The following EPHA4 variants were observed in gnomAD, a reference collection of about 807,000 sequenced individuals.
EPHA4 encodes EPH receptor A4, also known as ephrin type-A receptor 4.
EPHA4 carries 19 observed loss-of-function variants against 108.3 expected under a neutral mutation model. That is an observed-to-expected ratio of 0.18 (90% CI 0.12 to 0.26). The LOEUF (loss-of-function observed/expected upper bound fraction) is 0.26, where lower values mean the gene tolerates loss of function less well. Ranked by LOEUF, EPHA4 falls within the 10% of genes least tolerant of loss-of-function variation. EPHA4 has a pLI of 1.00. For missense variants in EPHA4, 917 were observed against 1,254.0 expected (o/e 0.73, Z 4.06); for synonymous variants, 449 against 455.5 (o/e 0.99, Z 0.18).
At chr2:221,532,035 G>A (rs1484247795) in intron 3 of EPHA4, among the ~76,000 whole-genome samples, 1 of 152,138 alleles carries the variant, frequency 6.6e-6, no homozygotes, top group African/African-American at 2.4e-5. Flanking sequence ...TTTCAAAGGA[G>A]AGCTCACTGA....
At chr2:221,560,732 T>C (rs1694437345) in intron 3 of EPHA4, among the ~76,000 whole-genome samples, 1 of 152,182 alleles carries the variant, frequency 6.6e-6, no homozygotes, top group Admixed American at 6.5e-5. Context: ...ATAACTATTA[T>C]CATCCCATTT....
At chr2:221,536,668 GA>G (rs1351464765) in intron 3 of EPHA4, among the ~76,000 whole-genome samples, 1 of 152,194 alleles carries the variant, frequency 6.6e-6, no homozygotes, top group East Asian at 1.9e-4. Flanking sequence ...ACCCAGTTTA[GA>G]ATGATTGAAA....
At chr2:221,556,609 T>C (rs747281975) in intron 3 of EPHA4, among the ~76,000 whole-genome samples, 102 of 152,008 alleles carry the variant, frequency 6.7e-4, no homozygotes, top group Non-Finnish European at 1.1e-3. Context: ...TCACTACTTT[T>C]TTTTTTCATA....
intron 3 of EPHA4, among the ~76,000 whole-genome samples, chr2:221,559,741 T>C (rs756660096): frequency 3.3e-5 from 5 of 152,164 alleles, no homozygotes; most frequent in Non-Finnish European, 7.3e-5. Flanking sequence ...CAGTCTGATG[T>C]GGCCTGGAAG....
At chr2:221,489,915 G>C (rs972872010) in intron 4 of EPHA4, among the ~76,000 whole-genome samples, 1 of 152,156 alleles carries the variant, frequency 6.6e-6, no homozygotes, top group Non-Finnish European at 1.5e-5. Context: ...GGCCATGGTA[G>C]GTGGAAGGCT....
At chr2:221,535,818 A>G (rs989759811) in intron 3 of EPHA4, among the ~76,000 whole-genome samples, 2 of 152,170 alleles carry the variant, frequency 1.3e-5, no homozygotes, top group Non-Finnish European at 2.9e-5. Context: ...TCCAGTAGGG[A>G]AAGAATCTTA....
rs189700054 is a variant in EPHA4 at position 221,539,646 on chromosome 2, C to T, written c.823+24085G>A. ...ATACAGCGTAAACTCCTCTCACCGA[C>T]GTTAGAGCTTTGACACAGGGCCCCA... On this transcript the variant is annotated intron_variant, in intron 3 of 17. Transcript: ENST00000281821. 9.9e-5 allele frequency among the ~76,000 whole-genome samples: 15 copies of T among 152,214 alleles called. No homozygotes were observed. In the East Asian group the frequency reaches 2.1e-3, roughly 22 times the overall value.
rs1694677881 is a variant in EPHA4, at chr2:221,566,951, A to AAGGG, written c.159+1766_159+1767insCCCT. ...GAGAAGGAGAAGGAGAAGGAGAAGG[A>AAGGG]GAAGGGGAAGAGGAAGAGGAAGAAG... On this transcript the variant is annotated intron_variant, in intron 2 of 17. Transcript: ENST00000281821. 6.2e-5 allele frequency among the ~76,000 whole-genome samples: 3 copies of AAGGG among 48,584 alleles called. 1 individual carries two copies. The highest frequency in any genetic ancestry group is 2.1e-4 in the Admixed American group (1 of 4,870). The allele number at this position is 48,584 out of a possible 152,430, so 31.9% of individuals were successfully genotyped here.
chr2:221,508,038 A>G (rs1441469495), intron 3 of EPHA4, among the ~76,000 whole-genome samples: 1 of 152,214 alleles, frequency 6.6e-6, no homozygotes, highest in Non-Finnish European at 1.5e-5. Context: ...ATATACTCCC[A>G]GGCAAAATGT....
At chr2:221,440,971 C>T (rs993512083) in intron 11 of EPHA4, among the ~76,000 whole-genome samples, 3 of 152,088 alleles carry the variant, frequency 2.0e-5, no homozygotes, top group South Asian at 2.1e-4. Context: ...TCCAAACTTA[C>T]GGGCCGCACA....
chr2:221,451,855 T>A (rs2052942), intron 8 of EPHA4, among the ~76,000 whole-genome samples: 3 of 152,032 alleles, frequency 2.0e-5, no homozygotes, highest in Non-Finnish European at 4.4e-5. Context: ...CCGCGATCCC[T>A]AAATGCTTAC....
intron 5 of EPHA4, among the ~76,000 whole-genome samples, chr2:221,468,612 T>A (rs1192444740): frequency 1.3e-5 from 2 of 152,174 alleles, no homozygotes; most frequent in Non-Finnish European, 2.9e-5. Flanking sequence ...CAGGTATTAA[T>A]CACAAAGACT....
chr2:221,545,170 G>A (rs1228049688), intron 3 of EPHA4, among the ~76,000 whole-genome samples: 1 of 152,102 alleles, frequency 6.6e-6, no homozygotes, highest in African/African-American at 2.4e-5. Context: ...AGGTATGGCC[G>A]GGCGCGGTGG....
chr2:221,423,074 C>T (rs746259258), intron 17 of EPHA4, among the ~76,000 whole-genome samples: 1 of 152,156 alleles, frequency 6.6e-6, no homozygotes, highest in Admixed American at 6.6e-5. Flanking sequence ...ATTGGGGTTA[C>T]AAGTGAAAGA....
upstream of EPHA4, chr2:221,572,369 C>A: frequency 2.3e-6 from 2 of 860,626 alleles, no homozygotes; most frequent in South Asian, 3.3e-5. Context: ...GACGTGAGCC[C>A]GCCAGTCCGG....
At chr2:221,470,886 T>G (rs1481646763) in intron 5 of EPHA4, among the ~76,000 whole-genome samples, 1 of 152,184 alleles carries the variant, frequency 6.6e-6, no homozygotes, top group African/African-American at 2.4e-5. Flanking sequence ...GACAATTTTC[T>G]CAAAAGCTAT....
intron 4 of EPHA4, among the ~76,000 whole-genome samples, chr2:221,499,895 T>A (rs1428577289): frequency 1.3e-5 from 2 of 150,522 alleles, no homozygotes; most frequent in Non-Finnish European, 3.0e-5. Context: ...GCAGCTGGGA[T>A]TATAGGCACC....
intron 5 of EPHA4, among the ~76,000 whole-genome samples, chr2:221,479,250 G>C (rs764742140): frequency 1.8e-4 from 27 of 152,136 alleles, no homozygotes; most frequent in Non-Finnish European, 2.1e-4. Flanking sequence ...TTTAGTACTG[G>C]CTCTGACATT....
chr2:221,524,371 A>G (rs1314282782), intron 3 of EPHA4, among the ~76,000 whole-genome samples: 1 of 152,226 alleles, frequency 6.6e-6, no homozygotes, highest in Non-Finnish European at 1.5e-5. Context: ...GTGGTAAATG[A>G]CACGTCTCTA....
Sources: gnomAD v4.1 joint callset for allele counts (sites outside exome capture counted in the v4.1 genomes callset) on GRCh38, gnomAD v4.1.1 for gene constraint, MANE v1.5 for transcripts, NCBI Gene and HGNC (gene_info 2026-07-23, HGNC 2026-07-21) for gene names.